Variants in CPS1 observed in about 807,000 individuals in gnomAD.
CPS1 encodes carbamoyl-phosphate synthase 1.
CPS1 carries 109 observed loss-of-function variants against 174.6 expected under a neutral mutation model. The ratio of observed to expected loss-of-function variants is 0.62; its 90% CI spans 0.53 to 0.73. CPS1 has a LOEUF of 0.73. Among genes scored for constraint, CPS1 ranks in the 30% least tolerant of loss-of-function variants. The probability of loss-of-function intolerance (pLI) is 0.00; values close to 1 mark genes in which losing one functional copy is unlikely to be tolerated. For missense variants in CPS1, 1,689 were observed against 1,821.9 expected (o/e 0.93, Z 1.33); for synonymous variants, 637 against 632.0 (o/e 1.01, Z -0.12).
intron 1 of CPS1, among the ~76,000 whole-genome samples, chr2:210,538,824 T>A (rs1696326259): frequency 1.3e-5 from 2 of 152,116 alleles, no homozygotes; most frequent in Non-Finnish European, 2.9e-5. Context: ...AGCAGTGTAT[T>A]GCTTTGTTCA....
At chr2:210,669,100 T>C (rs1701206149) in intron 34 of CPS1, among the ~76,000 whole-genome samples, 1 of 152,184 alleles carries the variant, frequency 6.6e-6, no homozygotes, top group Non-Finnish European at 1.5e-5. Context: ...GCCTTCTAGG[T>C]CAAAGTAGGG....
rs1198998705 is a variant in CPS1 at position 210,599,477 on chromosome 2, C to G, written c.1465C>G (p.Pro489Ala). The G allele has an allele frequency of 1.2e-6, 2 of 1,612,576 alleles. No homozygotes were observed. The highest frequency in any genetic ancestry group is 1.7e-5 in the Admixed American group (1 of 59,834). ...TACTGTCTACTTTCTTCCCATCACC[C>G]CTCAGTTTGTCACAGAGGTCATCAA... ...ADTVYFLPIT[P>A]QFVTEVIKAE... Residue 489 changes from proline (P) to alanine (A), a missense_variant, in exon 14 of 38, where the codon CCT becomes GCT. By Grantham distance (27) the Pro-to-Ala change is conservative. Coordinates refer to ENST00000233072, the MANE Select transcript of CPS1 (RefSeq NM_001875.5).
chr2:210,601,087 G>A (rs1280876919), intron 15 of CPS1, among the ~76,000 whole-genome samples: 2 of 151,786 alleles, frequency 1.3e-5, no homozygotes, highest in Non-Finnish European at 2.9e-5. Context: ...CTGCAAATGA[G>A]AAATTTGCTT....
Position 210,494,948 on chromosome 2 carries a change from A to G in CPS1, c.3+17182A>G, listed in dbSNP as rs560498480. 7.9e-5 allele frequency among the ~76,000 whole-genome samples: 12 copies of G among 152,296 alleles called. No homozygotes were observed. The South Asian group carries it at 2.3e-3, about 29-fold the overall frequency. ...GCTTTCAGCTATGGCTGCACATTAT[A>G]ATAACCTAGCAAGCTTCTAAAACAT... On this transcript the variant is annotated intron_variant, in intron 1 of 38. Transcript: ENST00000430249.
chr2:210,497,057 T>C (rs1383535009), intron 1 of CPS1, among the ~76,000 whole-genome samples: 1 of 152,178 alleles, frequency 6.6e-6, no homozygotes, highest in Non-Finnish European at 1.5e-5. Flanking sequence ...TCTAATAAGC[T>C]CAGCAAACTT....
chr2:210,556,240 A>T (rs1418496211), upstream of CPS1: 1 of 419,070 alleles, frequency 2.4e-6, no homozygotes, highest in Non-Finnish European at 4.8e-6. Flanking sequence ...ACCCCAACAG[A>T]AAATGGCAAG....
chr2:210,594,006 A>C (rs1280296242), intron 11 of CPS1, among the ~76,000 whole-genome samples: 1 of 151,954 alleles, frequency 6.6e-6, no homozygotes, highest in Non-Finnish European at 1.5e-5. Context: ...CTTTCCAATA[A>C]TTGCAAAATG....
chr2:210,574,900 A>G (rs1369764472), intron 2 of CPS1, among the ~76,000 whole-genome samples: 3 of 152,088 alleles, frequency 2.0e-5, no homozygotes, highest in African/African-American at 7.2e-5. Flanking sequence ...AGGAAAAGGT[A>G]TTCATCTATA....
chr2:210,569,468 G>A (rs1697409385), intron 1 of CPS1, among the ~76,000 whole-genome samples: 1 of 152,010 alleles, frequency 6.6e-6, no homozygotes, highest in Admixed American at 6.6e-5. Context: ...TTTGGTTAAA[G>A]CTTAATCTCT....
At chr2:210,662,376 T>A (rs1700952841) in intron 32 of CPS1, among the ~76,000 whole-genome samples, 1 of 152,216 alleles carries the variant, frequency 6.6e-6, no homozygotes, top group South Asian at 2.1e-4. Flanking sequence ...ATATGTAACT[T>A]GACCAAGATG....
chr2:210,650,928 A>G (rs1055772350), intron 28 of CPS1, among the ~76,000 whole-genome samples: 1 of 151,904 alleles, frequency 6.6e-6, no homozygotes, highest in Non-Finnish European at 1.5e-5. Context: ...ACTATTTTTT[A>G]TTTTTTCCTG....
intron 26 of CPS1, 122 bp downstream of exon 26, chr2:210,648,179 G>T: frequency 1.0e-6 from 1 of 979,456 alleles, no homozygotes; most frequent in Non-Finnish European, 1.6e-6. Flanking sequence ...CATACACTTA[G>T]TGAATTTAAA....
At chr2:210,657,374 G>T (rs1234253111) in intron 30 of CPS1, 5 of 150,356 alleles carry the variant, frequency 3.3e-5, no homozygotes, top group Non-Finnish European at 5.9e-5. Flanking sequence ...GCAGTGGCGC[G>T]ATCTCGGCTG....
chr2:210,625,024 A>G (rs1277892369), intron 21 of CPS1, among the ~76,000 whole-genome samples: 1 of 151,990 alleles, frequency 6.6e-6, no homozygotes, highest in African/African-American at 2.4e-5. Flanking sequence ...GCGTGATGGG[A>G]TATATATTTA....
intron 28 of CPS1, among the ~76,000 whole-genome samples, chr2:210,651,409 A>G (rs757368971): frequency 6.6e-6 from 1 of 152,230 alleles, no homozygotes; most frequent in African/African-American, 2.4e-5. Flanking sequence ...CTTTGAATTC[A>G]TGTTTGTGTG....
chr2:210,579,880 G>A, intron 5 of CPS1, 110 bp downstream of exon 5: 1 of 894,788 alleles, frequency 1.1e-6, no homozygotes, highest in Non-Finnish European at 1.8e-6. Flanking sequence ...GTAAAGGAGT[G>A]AATCTGGCCA....
chr2:210,563,671 A>G (rs1358933786), intron 1 of CPS1, among the ~76,000 whole-genome samples: 3 of 152,246 alleles, frequency 2.0e-5, no homozygotes, highest in Non-Finnish European at 4.4e-5. Context: ...ATACATGAGC[A>G]ATGAGTAGAT....
intron 35 of CPS1, 152 bp downstream of exon 35, chr2:210,675,113 A>AT (rs1387954241): frequency 5.8e-6 from 4 of 688,266 alleles, no homozygotes; most frequent in Non-Finnish European, 5.2e-6. Context: ...TTAGAGTCAA[A>AT]TCATTAAAAA....
At chr2:210,523,048 G>A (rs10188695) in intron 1 of CPS1, among the ~76,000 whole-genome samples, 29,058 of 151,916 alleles carry the variant, frequency 0.19, 3,234 homozygotes, top group African/African-American at 0.28. Flanking sequence ...ATTAGAAAAT[G>A]GGAGATCCAG....
Sources: gnomAD v4.1 joint callset for allele counts (sites outside exome capture counted in the v4.1 genomes callset) on GRCh38, gnomAD v4.1.1 for gene constraint, MANE v1.5 for transcripts, NCBI Gene and HGNC (gene_info 2026-07-23, HGNC 2026-07-21) for gene names.